Variants in MAGI3 observed in about 807,000 individuals in gnomAD.
MAGI3 encodes membrane-associated guanylate kinase, WW and PDZ domain-containing protein 3.
Under a neutral mutation model 121.8 loss-of-function variants are expected in MAGI3, and 43 were observed. The ratio of observed to expected loss-of-function variants is 0.35; its 90% CI spans 0.28 to 0.46. The LOEUF (loss-of-function observed/expected upper bound fraction) is 0.46, where lower values mean the gene tolerates loss of function less well. Ranked by LOEUF, MAGI3 falls within the 20% of genes least tolerant of loss-of-function variation. MAGI3 has a pLI of 1.00. For missense variants in MAGI3, 1,547 were observed against 1,797.3 expected (o/e 0.86, Z 2.52); for synonymous variants, 553 against 639.3 (o/e 0.86, Z 2.04).
intron 15 of MAGI3, among the ~76,000 whole-genome samples, chr1:113,657,340 G>A (rs922605623): frequency 1.1e-4 from 16 of 152,078 alleles, no homozygotes; most frequent in Non-Finnish European, 1.9e-4. Context: ...TAACTGTTCC[G>A]GTGACACTGC....
intron 1 of MAGI3, among the ~76,000 whole-genome samples, chr1:113,541,368 T>C (rs1242726304): frequency 6.6e-6 from 1 of 152,206 alleles, no homozygotes; most frequent in East Asian, 1.9e-4. Flanking sequence ...AGGTGGTGGC[T>C]CTATTATGTA....
In MAGI3 at chr1:113,683,715, GA is replaced by G; in HGVS notation, c.4152del (p.Gly1385GlufsTer4). Reference sequence around the variant, plus strand: ...TACAAGTAAAGAAGTATCTGAAAATGAAAAAGGAAAGAAAGTAACCACAGGA... The same window carrying G: ...TACAAGTAAAGAAGTATCTGAAAATGAAAAGGAAAGAAAGTAACCACAGGA... ...KTTSKEVSEN[E>X]KGKKVTTGET... On this transcript the variant is annotated frameshift_variant, in exon 21 of 21. Coordinates refer to ENST00000307546, the MANE Select transcript of MAGI3 (RefSeq NM_001142782.2). LOFTEE classifies it low-confidence loss of function (END_TRUNC). 1 of 1,597,210 alleles carries G rather than the reference GA, an allele frequency of 6.3e-7. No individual in the cohort carries two copies. The highest frequency in any genetic ancestry group is 8.5e-7 in the Non-Finnish European group (1 of 1,172,208).
intron 1 of MAGI3, among the ~76,000 whole-genome samples, chr1:113,531,190 A>T (rs78267256): frequency 6.6e-6 from 1 of 152,266 alleles, no homozygotes; most frequent in South Asian, 2.1e-4. Flanking sequence ...TTTATTGAGA[A>T]ATAAGTAATA....
chr1:113,518,742 CAT>C (rs1048667844), intron 1 of MAGI3, among the ~76,000 whole-genome samples: 2 of 152,078 alleles, frequency 1.3e-5, no homozygotes, highest in East Asian at 1.9e-4. Context: ...AATAGAAAAA[CAT>C]GTGTATTGTG....
chr1:113,432,726 T>A (rs1448127644), intron 1 of MAGI3, among the ~76,000 whole-genome samples: 1 of 152,032 alleles, frequency 6.6e-6, no homozygotes, highest in Non-Finnish European at 1.5e-5. Flanking sequence ...CAGGAGACAC[T>A]ATTAAAAAAA....
chr1:113,405,369 C>T (rs1258135804), intron 1 of MAGI3, among the ~76,000 whole-genome samples: 1 of 147,430 alleles, frequency 6.8e-6, no homozygotes, highest in Non-Finnish European at 1.5e-5. Context: ...TTCCCAGCTA[C>T]TTGGGAGGCT....
rs1312535257 is a variant in MAGI3 at position 113,590,548 on chromosome 1, A to G, written c.828A>G (p.Thr276=). The change falls in exon 5 of 21, where the codon ACA becomes ACG. Residue 276 remains threonine (T), a synonymous_variant. Coordinates refer to ENST00000307546, the MANE Select transcript of MAGI3 (RefSeq NM_001142782.2). ...AGACTGTTCCAAGTTACAACCAAAC[A>G]AATAGCTCCATGGACTTTAGAAATT... ...WMKTVPSYNQ[T]NSSMDFRNYM... 6.2e-7 allele frequency: 1 copy of G among 1,613,844 alleles called. No individual in the cohort carries two copies. The highest frequency in any genetic ancestry group is 1.1e-5 in the South Asian group (1 of 91,076).
At chr1:113,540,525 AT>A (rs1218600612) in intron 1 of MAGI3, among the ~76,000 whole-genome samples, 2 of 152,186 alleles carry the variant, frequency 1.3e-5, no homozygotes, top group Non-Finnish European at 2.9e-5. Context: ...AGCACTGTAG[AT>A]TTATGTGTAC....
intron 1 of MAGI3, among the ~76,000 whole-genome samples, chr1:113,448,655 T>G (rs1654302167): frequency 6.6e-6 from 1 of 152,108 alleles, no homozygotes; most frequent in African/African-American, 2.4e-5. Context: ...GGTATTATGA[T>G]CTAAATGCCT....
chr1:113,614,644 G>T lies in MAGI3; in HGVS notation c.1062G>T (p.Gly354=). ...GWEKIEDPQY[G]TYYVDHLNQK... ...AGAAAATAGAGGACCCTCAGTATGG[G>T]ACATACTATGTTGAGTAAGTTTGTT... Residue 354 remains glycine, a synonymous_variant, in exon 7 of 21, where the codon GGG becomes GGT. Coordinates refer to ENST00000307546, the MANE Select transcript of MAGI3 (RefSeq NM_001142782.2). 1.2e-6 allele frequency: 2 copies of T among 1,605,382 alleles called. No homozygotes were observed. The highest frequency in any genetic ancestry group is 1.7e-6 in the Non-Finnish European group (2 of 1,174,994).
At chr1:113,551,753 A>T (rs766116540) in intron 2 of MAGI3, among the ~76,000 whole-genome samples, 1 of 152,130 alleles carries the variant, frequency 6.6e-6, no homozygotes, top group African/African-American at 2.4e-5. Flanking sequence ...TATTTACCAT[A>T]TATAAGCCTT....
chr1:113,586,016 T>C (rs890001389), intron 4 of MAGI3, among the ~76,000 whole-genome samples: 1 of 152,076 alleles, frequency 6.6e-6, no homozygotes, highest in African/African-American at 2.4e-5. Flanking sequence ...ATCTAAAAGG[T>C]TGGTTTATAA....
At chr1:113,641,008 T>TATATATG (rs200003089) in intron 9 of MAGI3, among the ~76,000 whole-genome samples, 19,138 of 56,606 alleles carry the variant, frequency 0.34, 5,895 homozygotes, top group African/African-American at 0.66. Context: ...ATATATATAA[T>TATATATG]ATATATGATA....
At chr1:113,677,321 T>C (rs1647933166) in intron 19 of MAGI3, among the ~76,000 whole-genome samples, 1 of 152,240 alleles carries the variant, frequency 6.6e-6, no homozygotes, top group Admixed American at 6.5e-5. Flanking sequence ...TTTTTACTTA[T>C]ATTAGTCTCA....
intron 1 of MAGI3, among the ~76,000 whole-genome samples, chr1:113,485,919 G>A (rs559839687): frequency 6.6e-6 from 1 of 152,276 alleles, no homozygotes; most frequent in African/African-American, 2.4e-5. Context: ...GTTGAATAGG[G>A]TGTCTTTTCC....
intron 9 of MAGI3, among the ~76,000 whole-genome samples, chr1:113,627,080 CCT>C (rs1651289038): frequency 6.6e-6 from 1 of 151,242 alleles, no homozygotes; most frequent in Non-Finnish European, 1.5e-5. Flanking sequence ...TATAAATTTC[CCT>C]CTTAGTACTG....
In MAGI3 at chr1:113,619,815, G is replaced by A. The variant is rs1425304142; in HGVS notation, c.1156G>A (p.Gly386Arg). The change falls in exon 8 of 21, where the codon GGG becomes AGG. Residue 386 changes from glycine (G) to arginine (R), a missense_variant. Physicochemically the swap from Gly to Arg is moderately radical, Grantham distance 125 (BLOSUM62 -2). Transcript: ENST00000307546. ...AAAGCAGTTAGGACAGGTTGAAATT[G>A]GGTCTTCAAAACCAGGTAAGCATTC... is the stretch of plus-strand genomic sequence containing the variant. ...RKKQLGQVEIGSSKPDMEKSH... is the reference protein window; with the variant it reads ...RKKQLGQVEIRSSKPDMEKSH... 6.2e-7 allele frequency: 1 copy of A among 1,610,942 alleles called. No homozygotes were observed.
chr1:113,612,931 A>T (rs569750160), intron 6 of MAGI3, among the ~76,000 whole-genome samples: 1 of 152,298 alleles, frequency 6.6e-6, no homozygotes, highest in South Asian at 2.1e-4. Flanking sequence ...TTCTCTAAAG[A>T]CAAAACATAA....
At chr1:113,590,042 GTTAAC>G (rs1419530974) in intron 4 of MAGI3, among the ~76,000 whole-genome samples, 2 of 152,050 alleles carry the variant, frequency 1.3e-5, no homozygotes, top group African/African-American at 4.8e-5. Context: ...TTTTGACTAA[GTTAAC>G]TTAACCTCTC....
Sources: allele counts gnomAD v4.1 joint callset (sites outside exome capture counted in the v4.1 genomes callset), GRCh38; gene constraint gnomAD v4.1.1; transcripts MANE v1.5; gene names NCBI Gene and HGNC (gene_info 2026-07-23, HGNC 2026-07-21).